The following CFAP54 variants were observed in gnomAD, a reference collection of about 807,000 sequenced individuals.
The protein encoded by CFAP54 is cilia- and flagella-associated protein 54.
Under a neutral mutation model 370.4 loss-of-function variants are expected in CFAP54, and 290 were observed. The observed-to-expected ratio is 0.78, with a 90% CI of 0.71 to 0.86. CFAP54 has a LOEUF of 0.86. CFAP54 is among the 40% of genes least tolerant of loss of function. The pLI, the probability that CFAP54 is intolerant of heterozygous loss-of-function variation, is 0.00. For synonymous variants in CFAP54, 1,206 were observed against 1,236.5 expected (o/e 0.98, Z 0.52); for missense variants, 3,399 against 3,528.7 (o/e 0.96, Z 0.93).
intron 12 of CFAP54, 142 bp from the exon 13 acceptor site, chr12:96,538,242 A>G: frequency 1.4e-6 from 1 of 690,824 alleles, no homozygotes; most frequent in Non-Finnish European, 2.3e-6. Flanking sequence ...GGATCATACT[A>G]GGACTCCTCT....
intron 33 of CFAP54, chr12:96,645,966 C>G (rs1269111957): frequency 1.3e-5 from 2 of 152,148 alleles, no homozygotes; most frequent in Non-Finnish European, 2.9e-5. Flanking sequence ...GGATTAAAGA[C>G]TTAAATTTTA....
chr12:96,609,678 T>TA (rs1221703887), intron 26 of CFAP54, among the ~76,000 whole-genome samples: 2 of 152,186 alleles, frequency 1.3e-5, no homozygotes, highest in East Asian at 1.9e-4. Flanking sequence ...GACGATCTGG[T>TA]AAAAAAATTA....
At chr12:96,661,184 G>A (rs1393648325) in intron 38 of CFAP54, among the ~76,000 whole-genome samples, 1 of 152,074 alleles carries the variant, frequency 6.6e-6, no homozygotes, top group Non-Finnish European at 1.5e-5. Context: ...GGGGAATAGG[G>A]CTGAAAGTTC....
chr12:96,564,348 G>GA (rs958035442), intron 17 of CFAP54, 120 bp from the exon 18 acceptor site: 6 of 493,994 alleles, frequency 1.2e-5, no homozygotes, highest in South Asian at 4.0e-5. Flanking sequence ...ATCTATTAAT[G>GA]AAAAAAATGA....
At chr12:96,641,173 A>T (rs1254392142) in intron 32 of CFAP54, among the ~76,000 whole-genome samples, 1 of 152,088 alleles carries the variant, frequency 6.6e-6, no homozygotes, top group Non-Finnish European at 1.5e-5. Context: ...TTTGCAATCT[A>T]TCCATCTGAC....
chr12:96,854,846 T>C (rs1372002061), intron 66 of CFAP54, among the ~76,000 whole-genome samples: 1 of 152,248 alleles, frequency 6.6e-6, no homozygotes, highest in African/African-American at 2.4e-5. Flanking sequence ...GAAGGTTTGT[T>C]ACATAGGTAA....
At chr12:96,494,706 T>C (rs1048694016) in intron 1 of CFAP54, among the ~76,000 whole-genome samples, 1 of 152,084 alleles carries the variant, frequency 6.6e-6, no homozygotes, top group African/African-American at 2.4e-5. Context: ...GCTTTTATAA[T>C]ATATTTGACA....
At chr12:96,544,843 T>C (rs1032882863) in intron 14 of CFAP54, among the ~76,000 whole-genome samples, 2 of 151,940 alleles carry the variant, frequency 1.3e-5, no homozygotes, top group East Asian at 3.9e-4. Flanking sequence ...CTTTCTGCAG[T>C]GTCTGAGGTG....
intron 23 of CFAP54, among the ~76,000 whole-genome samples, chr12:96,590,203 G>A (rs1201592762): frequency 6.6e-6 from 1 of 152,230 alleles, no homozygotes. Flanking sequence ...TCAAATTGGG[G>A]TTAAGGTTAT....
intron 50 of CFAP54, among the ~76,000 whole-genome samples, chr12:96,732,003 CTG>C (rs1330399354): frequency 6.6e-6 from 1 of 152,142 alleles, no homozygotes; most frequent in African/African-American, 2.4e-5. Context: ...TTTCCAATGA[CTG>C]TGTGACGCCT....
intron 66 of CFAP54, among the ~76,000 whole-genome samples, chr12:96,842,382 A>G (rs754952733): frequency 5.9e-5 from 9 of 152,298 alleles, no homozygotes; most frequent in South Asian, 4.2e-4. Flanking sequence ...CAGGATAGAG[A>G]ACATTTCCAT....
chr12:96,744,603 T>A (rs539516799), intron 55 of CFAP54, among the ~76,000 whole-genome samples: 1 of 152,264 alleles, frequency 6.6e-6, no homozygotes, highest in Non-Finnish European at 1.5e-5. Flanking sequence ...AAATGCATTA[T>A]GTATTTTATA....
chr12:96,709,021 A>G (rs942560971), intron 48 of CFAP54, among the ~76,000 whole-genome samples: 1 of 152,238 alleles, frequency 6.6e-6, no homozygotes, highest in African/African-American at 2.4e-5. Flanking sequence ...ATAATACACT[A>G]TCATATGTAT....
intron 23 of CFAP54, among the ~76,000 whole-genome samples, chr12:96,590,255 T>C (rs1956112169): frequency 6.6e-6 from 1 of 152,218 alleles, no homozygotes; most frequent in African/African-American, 2.4e-5. Context: ...GCTTTTCTTT[T>C]GCTAGAAGGG....
intron 33 of CFAP54, chr12:96,646,803 G>C (rs543032193): frequency 1.1e-4 from 17 of 152,286 alleles, no homozygotes; most frequent in Non-Finnish European, 2.4e-4. Context: ...TCCTTTGTAG[G>C]GACATGGATG....
rs146290159 is a variant in CFAP54, at chr12:96,815,492, C to T, written c.8958-2283C>T. Among the ~76,000 whole-genome samples the T allele has an allele frequency of 6.1e-3, 927 of 152,222 alleles. 13 individuals are homozygous for T. The highest frequency in any genetic ancestry group is 0.021 in the African/African-American group (885 of 41,532). On this transcript the variant is annotated intron_variant, in intron 64 of 67. Transcript: ENST00000524981. ...TGGATAGATTGCAAAAATTTTCTCC[C>T]GCTCTGTAGGTTGCCTGTTCACTCT...
chr12:96,715,659 C>T (rs911970999), intron 48 of CFAP54, among the ~76,000 whole-genome samples: 4 of 152,232 alleles, frequency 2.6e-5, no homozygotes, highest in East Asian at 3.9e-4. Flanking sequence ...CATATATTCT[C>T]AGGAATATTC....
intron 63 of CFAP54, among the ~76,000 whole-genome samples, chr12:96,795,884 C>T (rs932400447): frequency 4.6e-5 from 7 of 152,106 alleles, no homozygotes; most frequent in Non-Finnish European, 7.4e-5. Flanking sequence ...TCCCCAATTC[C>T]ACTGGCAGCC....
intron 19 of CFAP54, among the ~76,000 whole-genome samples, chr12:96,568,970 G>A (rs752292210): frequency 6.6e-6 from 1 of 151,538 alleles, no homozygotes; most frequent in Non-Finnish European, 1.5e-5. Flanking sequence ...TTGACCTCTG[G>A]AAGTCCATTT....
Sources: gnomAD v4.1 joint callset for allele counts (sites outside exome capture counted in the v4.1 genomes callset) on GRCh38, gnomAD v4.1.1 for gene constraint, MANE v1.5 for transcripts, NCBI Gene and HGNC (gene_info 2026-07-23, HGNC 2026-07-21) for gene names.